Variants in PILRB observed in about 807,000 individuals in gnomAD.
PILRB encodes the protein paired immunoglobulin-like type 2 receptor beta.
A neutral mutation model predicts 20.5 loss-of-function variants in PILRB; 21 were observed. That is an observed-to-expected ratio of 1.02 (90% CI 0.72 to 1.47). The LOEUF is 1.47. PILRB is among the 40% of genes most tolerant of loss of function. The pLI is 0.00. For missense variants in PILRB, 253 were observed against 272.1 expected (o/e 0.93, Z 0.49); for synonymous variants, 133 against 115.1 (o/e 1.16, Z -0.99).
At chr7:100,361,701 A>G (rs1379090567) in intron 3 of PILRB, among the ~76,000 whole-genome samples, 8 of 152,124 alleles carry the variant, frequency 5.3e-5, no homozygotes, top group Non-Finnish European at 1.0e-4. Context: ...TATAAAAAGT[A>G]AAAAAGAAAG....
intron 1 of PILRB, 89 bp downstream of exon 1, chr7:100,358,455 GC>G: frequency 6.7e-7 from 1 of 1,498,498 alleles, no homozygotes; most frequent in Non-Finnish European, 9.1e-7. Flanking sequence ...TGGGGCAGGG[GC>G]CAGGCTCCCA....
rs1790434978 is a variant in PILRB at position 100,358,688 on chromosome 7, A to G, written c.65-2A>G. On this transcript the variant is annotated splice_acceptor_variant, in intron 1 of 3. Transcript: ENST00000609309. LOFTEE classifies it high-confidence loss of function. ...CCCCCACTCACTCCCTCCTTCCTCTAGGTGGCTCCACAGGATCTGGTCCAA... is the reference window on the plus strand; with the variant it reads ...CCCCCACTCACTCCCTCCTTCCTCTGGGTGGCTCCACAGGATCTGGTCCAA... The G allele has an allele frequency of 6.2e-7, 1 of 1,612,818 alleles. No individual in the cohort carries two copies. Among genetic ancestry groups the G allele is most frequent in the African/African-American group, 1.3e-5 (1 of 74,822 alleles).
At chr7:100,363,036 G>T (rs1790575389) in intron 3 of PILRB, among the ~76,000 whole-genome samples, 1 of 149,904 alleles carries the variant, frequency 6.7e-6, no homozygotes, top group African/African-American at 2.5e-5. Flanking sequence ...GCTCACACCT[G>T]TAATCCCAGC....
chr7:100,363,553 C>T (rs1790591063), intron 3 of PILRB, among the ~76,000 whole-genome samples: 1 of 152,208 alleles, frequency 6.6e-6, no homozygotes, highest in Admixed American at 6.6e-5. Context: ...GGATGACATT[C>T]TTGTTCGTGG....
chr7:100,359,057 G>T lies in PILRB; in HGVS notation c.432G>T (p.Gly144=). ...GGCAGCAGTTGCAGTCCATCAAGGG[G>T]ACCAAACTCACCATCACCCAGGGTG... ...SGRQQLQSIK[G]TKLTITQAVT... is the part of the protein sequence containing the mutation. The change falls in exon 2 of 4, where the codon GGG becomes GGT. Residue 144 remains glycine (G), a synonymous_variant. Transcript: ENST00000609309. 1.2e-6 allele frequency: 2 copies of T among 1,614,094 alleles called. No individual in the cohort carries two copies. The highest frequency in any genetic ancestry group is 1.7e-6 in the Non-Finnish European group (2 of 1,180,030).
intron 3 of PILRB, among the ~76,000 whole-genome samples, chr7:100,366,780 G>T (rs969668486): frequency 6.6e-6 from 1 of 152,104 alleles, no homozygotes. Context: ...ATGGGTGGGC[G>T]AGGGCTCAGC....
chr7:100,359,379 C>T lies in PILRB; in HGVS notation c.497C>T (p.Thr166Ile), dbSNP rs1341614328. The change falls in exon 3 of 4, where the codon ACC (threonine) becomes ATC (isoleucine). Residue 166 changes from threonine to isoleucine, a missense_variant. By Grantham distance (89) the Thr-to-Ile change is moderately conservative. Transcript: ENST00000609309. The part of the protein sequence containing the change: ...TTTWRPSSTT[T>I]IAGLRVTESK... ...ACCTGGAGGCCCAGCAGCACAACCA[C>T]CATAGCCGGCCTCAGGGTCACAGAA... 1 of 1,614,190 alleles carries T rather than the reference C, an allele frequency of 6.2e-7. No homozygotes were observed. The highest frequency in any genetic ancestry group is 8.5e-7 in the Non-Finnish European group (1 of 1,180,024).
At position 100,358,437 on chromosome 7, in the gene PILRB, A is replaced by C. The variant is rs990466149; in HGVS notation, c.64+71A>C. On this transcript the variant is annotated intron_variant, in intron 1 of 3. Coordinates refer to ENST00000609309, the MANE Select transcript of PILRB (RefSeq NM_178238.4). ...GGAGGGGCCAACCCAAGACAAAGGC[A>C]GAACATCTGGGGCAGGGGCCAGGCT... The C allele has an allele frequency of 4.5e-6, 7 of 1,563,918 alleles. No homozygotes were observed. In the African/African-American group the frequency reaches 9.5e-5, roughly 21 times the overall value.
chr7:100,359,219 T>G, intron 2 of PILRB, 118 bp from the exon 3 acceptor site: 2 of 1,501,150 alleles, frequency 1.3e-6, no homozygotes, highest in Non-Finnish European at 1.8e-6. Flanking sequence ...ATGTCTGGGC[T>G]TCTGAGAGCA....
At position 100,358,261 on chromosome 7, in the gene PILRB, C is replaced by G. The variant is rs566041241; in HGVS notation, c.-42C>G. On this transcript the variant is annotated 5_prime_UTR_variant, in exon 1 of 4. Coordinates refer to ENST00000609309, the MANE Select transcript of PILRB (RefSeq NM_178238.4). Reference sequence around the variant, plus strand: ...CCACAGGGCCCCTCTCCTGCCTGGACAGCTCTGCTGGTCTCCCCGTCCCCT... The same window carrying G: ...CCACAGGGCCCCTCTCCTGCCTGGAGAGCTCTGCTGGTCTCCCCGTCCCCT... 1 of 1,609,926 alleles carries G rather than the reference C, an allele frequency of 6.2e-7. No homozygotes were observed. Among genetic ancestry groups the G allele is most frequent in the African/African-American group, 1.3e-5 (1 of 75,002 alleles).
rs1469566415 is a variant in PILRB at position 100,358,994 on chromosome 7, T to G, written c.369T>G (p.Tyr123Ter). 1 of 1,613,994 alleles carries G rather than the reference T, an allele frequency of 6.2e-7. No individual in the cohort carries two copies. The highest frequency in any genetic ancestry group is 8.5e-7 in the Non-Finnish European group (1 of 1,180,036). Residue 123 changes from tyrosine to a stop codon, truncating the protein, a stop_gained, in exon 2 of 4, where the codon TAT becomes TAG. Coordinates refer to ENST00000609309, the MANE Select transcript of PILRB (RefSeq NM_178238.4). LOFTEE classifies it high-confidence loss of function. Reference sequence around the variant, plus strand: ...TGCGGAAGGAGGACCAGTCTGTGTATTTCTGCCGAGTCGAGCTGGACACCC... The same window carrying G: ...TGCGGAAGGAGGACCAGTCTGTGTAGTTCTGCCGAGTCGAGCTGGACACCC... ...SNLRKEDQSV[Y>*]FCRVELDTRR...
intron 3 of PILRB, among the ~76,000 whole-genome samples, chr7:100,365,347 G>GT (rs1790647756): frequency 6.6e-6 from 1 of 152,314 alleles, no homozygotes; most frequent in Middle Eastern, 3.4e-3. Flanking sequence ...TAGTATAAAT[G>GT]AGCCTTGAGG....
At chr7:100,365,701 C>T (rs1048614046) in intron 3 of PILRB, among the ~76,000 whole-genome samples, 23 of 152,098 alleles carry the variant, frequency 1.5e-4, no homozygotes, top group African/African-American at 5.5e-4. Flanking sequence ...ACCTGTAATC[C>T]CATCTGCTCG....
intron 3 of PILRB, among the ~76,000 whole-genome samples, chr7:100,360,977 C>G (rs1790508371): frequency 9.2e-5 from 14 of 152,058 alleles, no homozygotes; most frequent in Admixed American, 9.2e-4. Flanking sequence ...GTTCTGTCGC[C>G]CAGGCTGGAG....
Position 100,358,859 on chromosome 7 carries a change from G to T in PILRB, c.234G>T (p.Gly78=). Residue 78 remains glycine, a synonymous_variant, in exon 2 of 4, where the codon GGG becomes GGT. Coordinates refer to ENST00000609309, the MANE Select transcript of PILRB (RefSeq NM_178238.4). ...RISWRRGHFH[G]QSFYSTRPPS... ...CCTGGAGACGGGGCCACTTCCACGG[G>T]CAGTCCTTCTACAGCACAAGGCCGC... 6.2e-7 allele frequency: 1 copy of T among 1,614,084 alleles called. No homozygotes were observed. The highest frequency in any genetic ancestry group is 8.5e-7 in the Non-Finnish European group (1 of 1,180,032).
intron 3 of PILRB, among the ~76,000 whole-genome samples, chr7:100,361,591 G>A (rs1790529155): frequency 6.6e-6 from 1 of 152,234 alleles, no homozygotes; most frequent in South Asian, 2.1e-4. Context: ...TACTCAGGAA[G>A]CTGAGGCAGG....
chr7:100,359,130 G>C lies in PILRB; in HGVS notation c.454+51G>C, dbSNP rs894504461. On this transcript the variant is annotated intron_variant, in intron 2 of 3. Coordinates refer to ENST00000609309, the MANE Select transcript of PILRB (RefSeq NM_178238.4). ...CCTTGCCCACCGCAGTGAGGGTTTT[G>C]GTGACCACTGATGTCTTCACATTTA... 2.5e-6 allele frequency: 4 copies of C among 1,608,280 alleles called. No homozygotes were observed. The African/African-American group carries it at 5.3e-5, about 22-fold the overall frequency.
Position 100,358,258 on chromosome 7 carries a change from G to A in PILRB, c.-45G>A. The A allele has an allele frequency of 6.2e-7, 1 of 1,609,298 alleles. No individual in the cohort carries two copies. ...CCTCCACAGGGCCCCTCTCCTGCCTGGACAGCTCTGCTGGTCTCCCCGTCC... is the reference window on the plus strand; with the variant it reads ...CCTCCACAGGGCCCCTCTCCTGCCTAGACAGCTCTGCTGGTCTCCCCGTCC... On this transcript the variant is annotated 5_prime_UTR_variant, in exon 1 of 4. Transcript: ENST00000609309.
chr7:100,359,264 C>G, intron 2 of PILRB, 73 bp from the exon 3 acceptor site: 1 of 1,548,432 alleles, frequency 6.5e-7, no homozygotes, highest in Non-Finnish European at 8.9e-7. Context: ...ATCTAGAAAG[C>G]AGCACACCAT....
Sources: allele counts gnomAD v4.1 joint callset (sites outside exome capture counted in the v4.1 genomes callset), GRCh38; gene constraint gnomAD v4.1.1; transcripts MANE v1.5; gene names NCBI Gene and HGNC (gene_info 2026-07-23, HGNC 2026-07-21).